Variants in HYAL4 observed in about 807,000 individuals in gnomAD.
HYAL4 encodes hyaluronidase-4.
Under a neutral mutation model 35.2 loss-of-function variants are expected in HYAL4, and 37 were observed. That is an observed-to-expected ratio of 1.05 (90% CI 0.81 to 1.38). The LOEUF is 1.38. Ranked by LOEUF, HYAL4 falls within the 40% of genes most tolerant of loss-of-function variation. The pLI, the probability that HYAL4 is intolerant of heterozygous loss-of-function variation, is 0.00. For synonymous variants in HYAL4, 198 were observed against 203.2 expected, an observed-to-expected ratio of 0.97 and a Z score of 0.22; for missense variants, 572 against 572.4, an observed-to-expected ratio of 1.00 and a Z score of 0.01.
Position 123,877,452 on chromosome 7 carries a change from T to C in HYAL4, c.*297T>C, listed in dbSNP as rs1807058294. ...GAATGTACATACATAAAATTATACA[T>C]AAAAATATTAAATTATTCATTTCAA... On this transcript the variant is annotated 3_prime_UTR_variant, in exon 5 of 5. Coordinates refer to ENST00000223026, the MANE Select transcript of HYAL4 (RefSeq NM_012269.3). The C allele has an allele frequency of 4.4e-6, 1 of 228,426 alleles. No individual in the cohort carries two copies. Among genetic ancestry groups the C allele is most frequent in the Non-Finnish European group, 8.6e-6 (1 of 116,792 alleles). 14.1% of individuals were successfully genotyped at this position (228,426 alleles called of 1,614,324 possible).
intron 1 of HYAL4, among the ~76,000 whole-genome samples, chr7:123,832,476 ATACTTT>A (rs1805898462): frequency 3.4e-5 from 2 of 58,442 alleles, no homozygotes; most frequent in Non-Finnish European, 6.5e-5. Flanking sequence ...CTATTGTGTC[ATACTTT>A]TTTTTTTTTT....
chr7:123,806,103 C>T, the HYAL4 span, among the ~76,000 whole-genome samples: 1 of 151,978 alleles, frequency 6.6e-6, no homozygotes, highest in Non-Finnish European at 1.5e-5. Context: ...GGAGTTATAC[C>T]ATCTGATTTC....
the HYAL4 span, among the ~76,000 whole-genome samples, chr7:123,778,873 C>T: frequency 6.6e-6 from 1 of 152,254 alleles, no homozygotes; most frequent in South Asian, 2.1e-4. Context: ...GAATTAATTA[C>T]ACTTCCTCAT....
the HYAL4 span, among the ~76,000 whole-genome samples, chr7:123,791,043 T>C: frequency 6.6e-6 from 1 of 152,114 alleles, no homozygotes; most frequent in Non-Finnish European, 1.5e-5. Flanking sequence ...GGGATTACAG[T>C]CAGGAGCCAC....
At chr7:123,839,032 A>G (rs570224613) in intron 1 of HYAL4, among the ~76,000 whole-genome samples, 1 of 152,034 alleles carries the variant, frequency 6.6e-6, no homozygotes, top group Non-Finnish European at 1.5e-5. Flanking sequence ...ACCTGTGCAC[A>G]ACGTGCAGGT....
intron 2 of HYAL4, among the ~76,000 whole-genome samples, chr7:123,853,492 GT>G (rs1278207763): frequency 6.6e-6 from 1 of 152,204 alleles, no homozygotes; most frequent in African/African-American, 2.4e-5. Flanking sequence ...TAATCATGTG[GT>G]TTTTGTCATT....
intron 1 of HYAL4, among the ~76,000 whole-genome samples, chr7:123,837,801 G>A (rs576412632): frequency 6.6e-6 from 1 of 151,610 alleles, no homozygotes; most frequent in Admixed American, 6.6e-5. Context: ...AGTTTGCTGA[G>A]AATGATGGTT....
chr7:123,850,153 A>T (rs978068514), intron 2 of HYAL4, among the ~76,000 whole-genome samples: 3 of 152,224 alleles, frequency 2.0e-5, no homozygotes, highest in African/African-American at 7.2e-5. Context: ...AAGAAAGCTT[A>T]GTCACACGAT....
chr7:123,799,632 T>C, the HYAL4 span, among the ~76,000 whole-genome samples: 1 of 151,516 alleles, frequency 6.6e-6, no homozygotes, highest in Non-Finnish European at 1.5e-5. Context: ...CTACTAAAAA[T>C]ACAAAAAATA....
intron 3 of HYAL4, among the ~76,000 whole-genome samples, chr7:123,872,446 A>T (rs1410475536): frequency 6.6e-6 from 1 of 152,202 alleles, no homozygotes; most frequent in Non-Finnish European, 1.5e-5. Flanking sequence ...CCAGCTCCCC[A>T]CAGTGGGCAC....
At position 123,869,155 on chromosome 7, in the gene HYAL4, T is replaced by C. The variant is rs1199079615; in HGVS notation, c.882T>C (p.His294=). 11 of 1,614,172 alleles carry C rather than the reference T, an allele frequency of 6.8e-6. No individual in the cohort carries two copies. The highest frequency in any genetic ancestry group is 8.5e-6 in the Non-Finnish European group (10 of 1,180,026). ...TGAGGATCTCCACCATGACATCTCA[T>C]GATTATGCTCTGCCTGTATTTGTCT... is the stretch of plus-strand genomic sequence containing the variant. The part of the protein sequence containing the change: ...ESMRISTMTS[H]DYALPVFVYT... The change falls in exon 3 of 5, where the codon CAT becomes CAC. Residue 294 remains histidine, a synonymous_variant. Coordinates refer to ENST00000223026, the MANE Select transcript of HYAL4 (RefSeq NM_012269.3).
the HYAL4 span, among the ~76,000 whole-genome samples, chr7:123,809,393 C>CTTTTTTTTTTTTTTT: frequency 1.2e-4 from 16 of 129,566 alleles, no homozygotes; most frequent in Non-Finnish European, 1.8e-4. Context: ...TTTTCTTCTT[C>CTTTTTTTTTTTTTTT]TTTTTTTTTT....
chr7:123,874,657 G>A, intron 3 of HYAL4, 104 bp from the exon 4 acceptor site: 1 of 656,400 alleles, frequency 1.5e-6, no homozygotes, highest in African/African-American at 1.8e-5. Flanking sequence ...TGCCCGCCTG[G>A]GCCTCCCAAA....
chr7:123,795,205 A>G, the HYAL4 span, among the ~76,000 whole-genome samples: 1 of 152,150 alleles, frequency 6.6e-6, no homozygotes, highest in Non-Finnish European at 1.5e-5. Flanking sequence ...CTGTACCCCC[A>G]TTGTATCTAG....
At chr7:123,866,942 C>T (rs1806703988) in intron 2 of HYAL4, among the ~76,000 whole-genome samples, 1 of 152,128 alleles carries the variant, frequency 6.6e-6, no homozygotes, top group Non-Finnish European at 1.5e-5. Flanking sequence ...AGGCATGTGC[C>T]ACCACGCCAA....
chr7:123,780,898 C>T, the HYAL4 span, among the ~76,000 whole-genome samples: 2 of 114,476 alleles, frequency 1.7e-5, no homozygotes, highest in African/African-American at 3.7e-5. Flanking sequence ...TCACCACTCC[C>T]TAATCTCAAG....
chr7:123,786,127 T>C, the HYAL4 span, among the ~76,000 whole-genome samples: 10 of 152,324 alleles, frequency 6.6e-5, no homozygotes, highest in Middle Eastern at 6.8e-3. Context: ...TTTAAAATTT[T>C]AATCTCTGAA....
chr7:123,874,426 C>A (rs765128398), intron 3 of HYAL4, among the ~76,000 whole-genome samples: 2 of 151,864 alleles, frequency 1.3e-5, no homozygotes, highest in Admixed American at 6.6e-5. Flanking sequence ...GCTTTTGAGG[C>A]GGAGTCTCAC....
chr7:123,786,519 T>A, the HYAL4 span, among the ~76,000 whole-genome samples: 1 of 152,202 alleles, frequency 6.6e-6, no homozygotes, highest in Non-Finnish European at 1.5e-5. Context: ...GCTTTATTTT[T>A]TTTTTTTGAA....
Sources: gnomAD v4.1 joint callset for allele counts (sites outside exome capture counted in the v4.1 genomes callset) on GRCh38, gnomAD v4.1.1 for gene constraint, MANE v1.5 for transcripts, NCBI Gene and HGNC (gene_info 2026-07-23, HGNC 2026-07-21) for gene names.